Variants in SLC30A6 observed in about 807,000 individuals in gnomAD.
The protein encoded by SLC30A6 is zinc transporter 6.
SLC30A6 carries 55 observed loss-of-function variants against 63.0 expected under a neutral mutation model. The ratio of observed to expected loss-of-function variants is 0.87; its 90% confidence interval spans 0.70 to 1.09. The LOEUF is 1.09. Among genes scored for constraint, SLC30A6 ranks in the 50% least tolerant of loss-of-function variants. The pLI, the probability that SLC30A6 is intolerant of heterozygous loss-of-function variation, is 0.00. For synonymous variants in SLC30A6, 224 were observed against 186.1 expected (o/e 1.20, Z -1.66); for missense variants, 587 against 549.2 (o/e 1.07, Z -0.69).
chr2:32,172,849 C>T (rs1419045833), intron 2 of SLC30A6, among the ~76,000 whole-genome samples: 4 of 152,074 alleles, frequency 2.6e-5, no homozygotes, highest in African/African-American at 9.7e-5. Flanking sequence ...CTTCTTCATC[C>T]TCACCCTAAC....
At chr2:32,181,847 G>A (rs555053728) in intron 4 of SLC30A6, among the ~76,000 whole-genome samples, 3 of 150,628 alleles carry the variant, frequency 2.0e-5, no homozygotes, top group South Asian at 4.2e-4. Context: ...CAACCTGGGC[G>A]ACAGAGTGAG....
At chr2:32,171,696 ATT>A (rs11324818) in intron 2 of SLC30A6, among the ~76,000 whole-genome samples, 9,485 of 146,840 alleles carry the variant, frequency 0.065, 357 homozygotes, top group Middle Eastern at 0.11. Context: ...TCTTTTATTT[ATT>A]TTTTTTTTTT....
chr2:32,175,662 C>G (rs181760278), intron 4 of SLC30A6, among the ~76,000 whole-genome samples: 1 of 152,238 alleles, frequency 6.6e-6, no homozygotes, highest in Admixed American at 6.5e-5. Context: ...AACACACAAA[C>G]AACAATAATT....
At chr2:32,205,314 G>A (rs750806726) in intron 11 of SLC30A6, among the ~76,000 whole-genome samples, 3 of 152,098 alleles carry the variant, frequency 2.0e-5, no homozygotes, top group Non-Finnish European at 2.9e-5. Context: ...CCAGCTACTC[G>A]GGAGACTGAG....
intron 1 of SLC30A6, among the ~76,000 whole-genome samples, chr2:32,170,190 A>G (rs997142509): frequency 6.6e-6 from 1 of 152,204 alleles, no homozygotes; most frequent in South Asian, 2.1e-4. Context: ...AAAATAATAC[A>G]TCTAGACTTT....
chr2:32,168,297 C>A (rs1490721650), intron 1 of SLC30A6, among the ~76,000 whole-genome samples: 1 of 151,600 alleles, frequency 6.6e-6, no homozygotes, highest in Non-Finnish European at 1.5e-5. Flanking sequence ...CAGTATTAGT[C>A]ATGCAGGGAA....
chr2:32,192,362 T>G lies in SLC30A6; in HGVS notation c.311T>G (p.Val104Gly). The change falls in exon 6 of 14, where the codon GTA (valine) becomes GGA (glycine). Residue 104 changes from valine to glycine, a missense_variant. Coordinates refer to ENST00000282587, the MANE Select transcript of SLC30A6 (RefSeq NM_017964.5). ...TTTGAAAGATTAGAAGTCCTGGCTG[T>G]ATTTGCCTCCACAGTCTTGGCACAG... ...FGFERLEVLA[V>G]FASTVLAQLG... 6.2e-7 allele frequency: 1 copy of G among 1,614,100 alleles called. No individual in the cohort carries two copies. Among genetic ancestry groups the G allele is most frequent in the Non-Finnish European group, 8.5e-7 (1 of 1,179,968 alleles).
At chr2:32,188,480 G>C (rs1354244424) in intron 5 of SLC30A6, among the ~76,000 whole-genome samples, 2 of 152,086 alleles carry the variant, frequency 1.3e-5, no homozygotes, top group African/African-American at 4.8e-5. Context: ...GATCACCTGA[G>C]GTCAGGAGTT....
At chr2:32,171,222 A>AT in intron 1 of SLC30A6, 65 bp from the exon 2 acceptor site, 1 of 1,344,920 alleles carries the variant, frequency 7.4e-7, no homozygotes, top group Non-Finnish European at 1.1e-6. Context: ...CCACTATATC[A>AT]TATCATAGGA....
chr2:32,178,914 G>A (rs1237673382), intron 4 of SLC30A6, among the ~76,000 whole-genome samples: 2 of 152,180 alleles, frequency 1.3e-5, no homozygotes, highest in African/African-American at 4.8e-5. Context: ...CTGGAGTGCA[G>A]TGGGTTGACC....
chr2:32,211,303 C>G (rs999577310), intron 13 of SLC30A6, among the ~76,000 whole-genome samples: 1 of 152,182 alleles, frequency 6.6e-6, no homozygotes. Flanking sequence ...ACAATATTCT[C>G]TAAATTCTTG....
chr2:32,220,776 C>A lies in SLC30A6; in HGVS notation c.*63C>A. ...TTGGCTTCCAATTTATTTAGTAATC[C>A]AACTTTGCATTGACTGTTTAATCAT... On this transcript the variant is annotated 3_prime_UTR_variant, in exon 14 of 14. Coordinates refer to ENST00000282587, the MANE Select transcript of SLC30A6 (RefSeq NM_017964.5). The A allele has an allele frequency of 7.0e-7, 1 of 1,430,514 alleles. No homozygotes were observed. The highest frequency in any genetic ancestry group is 1.3e-5 in the South Asian group (1 of 75,634). 88.6% of individuals were successfully genotyped at this position (1,430,514 alleles called of 1,614,324 possible).
In SLC30A6 at chr2:32,174,163, A is replaced by AT. The variant is rs774624255; in HGVS notation, c.175+21dup. 6.3e-7 allele frequency: 1 copy of AT among 1,580,022 alleles called. No individual in the cohort carries two copies. The highest frequency in any genetic ancestry group is 1.7e-5 in the Admixed American group (1 of 57,428). On this transcript the variant is annotated intron_variant, in intron 3 of 13. Coordinates refer to ENST00000282587, the MANE Select transcript of SLC30A6 (RefSeq NM_017964.5). ...AATAGTATAGGTATGTCACCTTTGT[A>AT]TTTTTATGGAGTTGTTATTTTTACT...
At chr2:32,209,602 A>G (rs1685079562) in intron 13 of SLC30A6, 41 bp downstream of exon 13, 3 of 1,465,164 alleles carry the variant, frequency 2.0e-6, no homozygotes. Flanking sequence ...AATTTAAAAT[A>G]TAGTCTTCCA....
intron 13 of SLC30A6, among the ~76,000 whole-genome samples, chr2:32,210,987 G>C (rs1356426039): frequency 6.6e-6 from 1 of 152,102 alleles, no homozygotes; most frequent in East Asian, 1.9e-4. Flanking sequence ...GTTACCTATG[G>C]GGCACTCCTG....
At chr2:32,200,083 C>G (rs1684145433) in intron 10 of SLC30A6, among the ~76,000 whole-genome samples, 1 of 151,982 alleles carries the variant, frequency 6.6e-6, no homozygotes, top group East Asian at 1.9e-4. Context: ...TATATACACA[C>G]ACACACACAC....
At chr2:32,183,760 G>A (rs1282143399) in intron 4 of SLC30A6, among the ~76,000 whole-genome samples, 2 of 151,144 alleles carry the variant, frequency 1.3e-5, no homozygotes, top group Non-Finnish European at 2.9e-5. Flanking sequence ...AACGCAGATA[G>A]TTGTTACCTC....
intron 8 of SLC30A6, among the ~76,000 whole-genome samples, chr2:32,194,964 G>T (rs1407050359): frequency 6.6e-6 from 1 of 152,210 alleles, no homozygotes; most frequent in East Asian, 1.9e-4. Flanking sequence ...AAGGAAATAA[G>T]ACTACTGATA....
rs1442619016 is a variant in SLC30A6 at position 32,212,633 on chromosome 2, G to A, written c.885+3072G>A. On this transcript the variant is annotated intron_variant, in intron 13 of 13. Coordinates refer to ENST00000282587, the MANE Select transcript of SLC30A6 (RefSeq NM_017964.5). ...TTTTGAGACAGGGTCTCACTCTGTC[G>A]CCAGGCTAGACTGAGTGCAATGGCT... 2.6e-5 allele frequency among the ~76,000 whole-genome samples: 3 copies of A among 116,520 alleles called. No individual in the cohort carries two copies. In the South Asian group the frequency reaches 8.4e-4, roughly 33 times the overall value. The allele number at this position is 116,520 out of a possible 152,430, so 76.4% of individuals were successfully genotyped here. A position where few individuals can be genotyped will look rare whatever the true frequency, so the allele number is the denominator to read the frequency against.
Sources: gnomAD v4.1 joint callset for allele counts (sites outside exome capture counted in the v4.1 genomes callset) on GRCh38, gnomAD v4.1.1 for gene constraint, MANE v1.5 for transcripts, NCBI Gene and HGNC (gene_info 2026-07-23, HGNC 2026-07-21) for gene names.